The following VPS8 variants were observed in gnomAD, a reference collection of about 807,000 sequenced individuals.
The protein encoded by VPS8 is VPS8 subunit of CORVET complex, also known as vacuolar protein sorting-associated protein 8 homolog.
Under a neutral mutation model 216.4 loss-of-function variants are expected in VPS8, and 129 were observed. The observed-to-expected ratio is 0.60, with a 90% CI of 0.52 to 0.69. VPS8 has a LOEUF of 0.69. Ranked by LOEUF, VPS8 falls within the 30% of genes least tolerant of loss-of-function variation. VPS8 has a pLI of 0.00. For synonymous variants in VPS8, 571 were observed against 565.4 expected (o/e 1.01, Z -0.14); for missense variants, 1,531 against 1,683.5 (o/e 0.91, Z 1.59).
intron 35 of VPS8, among the ~76,000 whole-genome samples, chr3:184,936,744 T>A (rs1239603119): frequency 6.9e-6 from 1 of 145,368 alleles, no homozygotes; most frequent in Non-Finnish European, 1.5e-5. Flanking sequence ...CCCGTTTTCT[T>A]TTTTTTTTTT....
rs538231204 is a variant in VPS8, at chr3:184,878,206, GTTCAAGCTATT to G, written c.1734+7405_1734+7415del. ...GCTCACTGCAACCTCTGCCTCCCGG[GTTCAAGCTATT>G]TTCCTGCCTCAGCCTCCTGAGCAGC... is the stretch of plus-strand genomic sequence containing the variant. On this transcript the variant is annotated intron_variant, in intron 21 of 47. Coordinates refer to ENST00000625842, the MANE Select transcript of VPS8 (RefSeq NM_001009921.3). 1.9e-3 allele frequency among the ~76,000 whole-genome samples: 289 copies of G among 152,012 alleles called. 1 individual carries two copies. The highest frequency in any genetic ancestry group is 6.3e-3 in the African/African-American group (260 of 41,452).
At chr3:185,039,372 C>T (rs936591445) in intron 46 of VPS8, among the ~76,000 whole-genome samples, 1 of 151,992 alleles carries the variant, frequency 6.6e-6, no homozygotes, top group Admixed American at 6.6e-5. Flanking sequence ...GTACAAGCAG[C>T]ACGTACCAGC....
Position 184,898,645 on chromosome 3 carries a change from T to C in VPS8, c.2085T>C (p.Ser695=). The change falls in exon 24 of 48, where the codon AGT becomes AGC. Residue 695 remains serine (S), a synonymous_variant. Coordinates refer to ENST00000625842, the MANE Select transcript of VPS8 (RefSeq NM_001009921.3). The stretch of plus-strand genomic sequence containing the variant: ...ACAGAGGCATGAATGAATTTATTAG[T>C]CCAATGGAGGTAAGATACTTCCTAA... ...VYNRGMNEFI[S]PMEKLFRVIA... 1 of 1,549,644 alleles carries C rather than the reference T, an allele frequency of 6.5e-7. No homozygotes were observed.
chr3:185,014,315 T>G (rs1425980555), intron 45 of VPS8, among the ~76,000 whole-genome samples: 1 of 152,152 alleles, frequency 6.6e-6, no homozygotes, highest in Non-Finnish European at 1.5e-5. Flanking sequence ...GTGTTGCTCA[T>G]GACAGTTGGG....
intron 37 of VPS8, among the ~76,000 whole-genome samples, chr3:184,962,758 TGTG>T (rs1746744482): frequency 1.3e-5 from 2 of 148,442 alleles, no homozygotes; most frequent in African/African-American, 4.9e-5. Context: ...TGTGTGTGTG[TGTG>T]TGTGTCTTAT....
chr3:184,815,157 C>T (rs1430243615), intron 1 of VPS8, among the ~76,000 whole-genome samples: 2 of 152,038 alleles, frequency 1.3e-5, no homozygotes, highest in African/African-American at 2.4e-5. Flanking sequence ...GAAGGACCTG[C>T]CTGAAACTGT....
At chr3:184,924,812 T>TTG in intron 29 of VPS8, 50 bp from the exon 30 acceptor site, 7 of 1,542,256 alleles carry the variant, frequency 4.5e-6, no homozygotes, top group Non-Finnish European at 2.6e-6. Context: ...TTTTTTTTTT[T>TTG]GCATCAAACC....
chr3:184,852,790 C>T (rs924923785), intron 11 of VPS8, among the ~76,000 whole-genome samples: 1 of 152,138 alleles, frequency 6.6e-6, no homozygotes, highest in Non-Finnish European at 1.5e-5. Flanking sequence ...TTCTAGACTC[C>T]TACTCCCCAG....
chr3:185,013,230 C>A (rs1212357720), intron 45 of VPS8, among the ~76,000 whole-genome samples: 1 of 152,106 alleles, frequency 6.6e-6, no homozygotes, highest in Non-Finnish European at 1.5e-5. Context: ...GCAGAGATTT[C>A]GTTTATGGCC....
intron 40 of VPS8, among the ~76,000 whole-genome samples, chr3:184,979,916 GT>G (rs1194055975): frequency 6.6e-6 from 1 of 152,172 alleles, no homozygotes; most frequent in Non-Finnish European, 1.5e-5. Context: ...ACTTAAGTGT[GT>G]TTTTTGTGGT....
chr3:184,869,223 T>C (rs1383357268), intron 19 of VPS8, among the ~76,000 whole-genome samples, 187 bp downstream of exon 19: 2 of 152,194 alleles, frequency 1.3e-5, no homozygotes, highest in Non-Finnish European at 2.9e-5. Context: ...ATAGAGGGTA[T>C]AGAAATTAAA....
intron 21 of VPS8, among the ~76,000 whole-genome samples, chr3:184,884,290 T>TCA (rs1730806350): frequency 6.6e-6 from 1 of 152,188 alleles, no homozygotes; most frequent in Non-Finnish European, 1.5e-5. Context: ...TTCTCATTGT[T>TCA]CAGTTCCCAC....
chr3:184,982,346 A>G (rs1397690802), intron 40 of VPS8: 1 of 515,604 alleles, frequency 1.9e-6, no homozygotes, highest in Non-Finnish European at 3.4e-6. Flanking sequence ...GGGCTTCATG[A>G]TAAAGATGCC....
rs1403068227 is a variant in VPS8, at chr3:184,816,109, A to G, written c.-89+3884A>G. On this transcript the variant is annotated intron_variant, in intron 1 of 47. Transcript: ENST00000625842. ...AGTGGGTCTGAGAAGAGACATTCTCATGATAGTGGAGACAGTATTATAGAA... is the reference window on the plus strand; with the variant it reads ...AGTGGGTCTGAGAAGAGACATTCTCGTGATAGTGGAGACAGTATTATAGAA... 2.6e-5 allele frequency: 4 copies of G among 152,232 alleles called. No homozygotes were observed. The East Asian group carries it at 7.7e-4, about 29-fold the overall frequency. 9.4% of individuals were successfully genotyped at this position (152,232 alleles called of 1,614,324 possible). A position where few individuals can be genotyped will look rare whatever the true frequency, so the allele number is the denominator to read the frequency against.
chr3:185,027,539 GC>G lies in VPS8; in HGVS notation c.4056+3151del, dbSNP rs564529376. Among the ~76,000 whole-genome samples, 355 of 152,288 alleles carry G rather than the reference GC, an allele frequency of 2.3e-3. 1 individual carries two copies. Among genetic ancestry groups the G allele is most frequent in the African/African-American group, 7.9e-3 (329 of 41,540 alleles). On this transcript the variant is annotated intron_variant, in intron 46 of 47. Coordinates refer to ENST00000625842, the MANE Select transcript of VPS8 (RefSeq NM_001009921.3). ...TTACAGGCGTGAGCCACCGCACCCG[GC>G]TCTTACGTTCTTTATGGCAGAAACC...
chr3:185,037,788 AT>A lies in VPS8; in HGVS notation c.4057-10687del, dbSNP rs531650426. Among the ~76,000 whole-genome samples the A allele has an allele frequency of 7.3e-4, 111 of 152,192 alleles. 2 individuals are homozygous for A. In the South Asian group the frequency reaches 0.022, roughly 30 times the overall value. On this transcript the variant is annotated intron_variant, in intron 46 of 47. Transcript: ENST00000625842. ...TTCAGTTGTAGTTTTCAACTCCAGA[AT>A]TTTCAATCATTCTTTTTTATAATTT...
Position 184,936,345 on chromosome 3 carries a change from G to A in VPS8, c.2988+10G>A. The A allele has an allele frequency of 6.3e-7, 1 of 1,596,324 alleles. No homozygotes were observed. The highest frequency in any genetic ancestry group is 1.3e-5 in the African/African-American group (1 of 74,726). On this transcript the variant is annotated intron_variant, in intron 35 of 47. Transcript: ENST00000625842. The stretch of plus-strand genomic sequence containing the variant: ...CATTAAAAAACTTCAGGTACATATT[G>A]CAAATATATATTGGGGAAAAATATC...
intron 40 of VPS8, among the ~76,000 whole-genome samples, chr3:184,972,839 C>G (rs1447339030): frequency 1.3e-5 from 2 of 152,230 alleles, no homozygotes; most frequent in African/African-American, 2.4e-5. Flanking sequence ...TGGCTTAACT[C>G]TTCGCCTGCC....
intron 45 of VPS8, among the ~76,000 whole-genome samples, chr3:185,012,673 AAAG>A (rs949208617): frequency 1.3e-5 from 2 of 152,134 alleles, no homozygotes; most frequent in African/African-American, 4.8e-5. Context: ...TTAAAAAAAA[AAAG>A]AGGCCAGAAG....
Sources: allele counts gnomAD v4.1 joint callset (sites outside exome capture counted in the v4.1 genomes callset), GRCh38; gene constraint gnomAD v4.1.1; transcripts MANE v1.5; gene names NCBI Gene and HGNC (gene_info 2026-07-23, HGNC 2026-07-21).